Variants in OPCML observed in about 807,000 individuals in gnomAD.
The protein encoded by OPCML is opioid-binding protein/cell adhesion molecule.
OPCML carries 13 observed loss-of-function variants against 37.8 expected under a neutral mutation model. That is an observed-to-expected ratio of 0.34 (90% confidence interval 0.22 to 0.55). The LOEUF (loss-of-function observed/expected upper bound fraction) is 0.55. Among genes scored for constraint, OPCML ranks in the 20% least tolerant of loss-of-function variants. The pLI, the probability that OPCML is intolerant of heterozygous loss-of-function variation, is 0.91. For synonymous variants in OPCML, 176 were observed against 168.8 expected (o/e 1.04, Z -0.33); for missense variants, 341 against 435.6 (o/e 0.78, Z 1.93).
chr11:133,068,272 G>A (rs948283297), intron 1 of OPCML: 1 of 152,160 alleles, frequency 6.6e-6, no homozygotes, highest in Non-Finnish European at 1.5e-5. Flanking sequence ...GGGCACAGTG[G>A]GTGTGGCCAT....
chr11:132,421,460 T>C (rs1197271880), intron 7 of OPCML, among the ~76,000 whole-genome samples: 5 of 152,144 alleles, frequency 3.3e-5, no homozygotes, highest in Non-Finnish European at 5.9e-5. Context: ...ACTAGTTCAT[T>C]TGGCTTGCCT....
At chr11:132,524,870 G>C (rs934377527) in intron 4 of OPCML, among the ~76,000 whole-genome samples, 1 of 152,138 alleles carries the variant, frequency 6.6e-6, no homozygotes, top group Non-Finnish European at 1.5e-5. Flanking sequence ...ATATGTCTTT[G>C]GTTTGTTTGT....
intron 2 of OPCML, among the ~76,000 whole-genome samples, chr11:132,660,878 G>A (rs1941946141): frequency 6.6e-6 from 1 of 152,122 alleles, no homozygotes; most frequent in African/African-American, 2.4e-5. Flanking sequence ...CTGTCAGAAG[G>A]GAGACACAGA....
intron 1 of OPCML, among the ~76,000 whole-genome samples, chr11:133,391,342 G>T (rs919621078): frequency 1.3e-5 from 2 of 152,164 alleles, no homozygotes; most frequent in African/African-American, 4.8e-5. Context: ...TGTCATTGTG[G>T]TTTGTCTTTC....
intron 3 of OPCML, among the ~76,000 whole-genome samples, chr11:132,589,481 G>A (rs926020089): frequency 6.6e-6 from 1 of 152,216 alleles, no homozygotes; most frequent in Non-Finnish European, 1.5e-5. Flanking sequence ...AAACAAGTAA[G>A]TGAATGAATA....
intron 1 of OPCML, among the ~76,000 whole-genome samples, chr11:133,486,889 C>T (rs981479766): frequency 6.7e-6 from 1 of 149,830 alleles, no homozygotes; most frequent in Admixed American, 6.7e-5. Context: ...TCTCCTTTCC[C>T]TCTCTATCTG....
intron 1 of OPCML, chr11:133,024,487 G>T: frequency 8.1e-6 from 8 of 985,292 alleles, no homozygotes; most frequent in Non-Finnish European, 8.4e-6. Context: ...CAGGTTTCAC[G>T]GGTAATGAGA....
intron 4 of OPCML, among the ~76,000 whole-genome samples, chr11:132,448,293 G>A (rs895376471): frequency 6.6e-6 from 1 of 152,136 alleles, no homozygotes; most frequent in Admixed American, 6.5e-5. Flanking sequence ...TAACAATGAT[G>A]CCAACCATCA....
chr11:132,641,511 G>C (rs1333951880), intron 3 of OPCML, among the ~76,000 whole-genome samples: 1 of 152,156 alleles, frequency 6.6e-6, no homozygotes, highest in Admixed American at 6.5e-5. Flanking sequence ...AGCTATCCTT[G>C]GGCGTCTTTT....
intron 2 of OPCML, among the ~76,000 whole-genome samples, chr11:132,698,415 T>C (rs1943683357): frequency 6.6e-6 from 1 of 152,180 alleles, no homozygotes; most frequent in South Asian, 2.1e-4. Context: ...TTTTTAAATA[T>C]ACCTGTTGGT....
intron 2 of OPCML, among the ~76,000 whole-genome samples, chr11:132,833,146 T>C (rs1400513153): frequency 2.6e-5 from 4 of 152,044 alleles, no homozygotes; most frequent in African/African-American, 9.7e-5. Flanking sequence ...TTAAAATATA[T>C]ATAGTTTAAT....
At chr11:132,476,621 A>G (rs2096156906) in intron 4 of OPCML, among the ~76,000 whole-genome samples, 1 of 152,116 alleles carries the variant, frequency 6.6e-6, no homozygotes, top group Admixed American at 6.6e-5. Flanking sequence ...GTTCTCACTC[A>G]TAGGTGGGAA....
At chr11:133,000,838 G>T (rs1946985382) in intron 1 of OPCML, among the ~76,000 whole-genome samples, 1 of 152,188 alleles carries the variant, frequency 6.6e-6, no homozygotes, top group African/African-American at 2.4e-5. Context: ...TGTCTCATGG[G>T]GGCGAGTTCT....
At chr11:133,140,513 A>AAATAATAATAAT (rs377272496) in intron 1 of OPCML, among the ~76,000 whole-genome samples, 2,089 of 95,734 alleles carry the variant, frequency 0.022, 38 homozygotes, top group African/African-American at 0.028. Flanking sequence ...CTCTGTCTCA[A>AAATAATAATAAT]AATAATAATA....
intron 1 of OPCML, among the ~76,000 whole-genome samples, chr11:133,263,726 T>A (rs1276613294): frequency 6.6e-6 from 1 of 152,128 alleles, no homozygotes; most frequent in East Asian, 1.9e-4. Context: ...AAGGACAGAA[T>A]GTGGGTGTTT....
chr11:133,304,799 G>T (rs186153615), intron 1 of OPCML, among the ~76,000 whole-genome samples: 1 of 152,050 alleles, frequency 6.6e-6, no homozygotes, highest in Non-Finnish European at 1.5e-5. Context: ...TAACCACCAC[G>T]TAACCCCTTC....
intron 1 of OPCML, among the ~76,000 whole-genome samples, chr11:133,399,851 CAT>C (rs567388415): frequency 2.0e-4 from 29 of 147,608 alleles, no homozygotes; most frequent in East Asian, 1.6e-3. Context: ...ATTAAGGAAG[CAT>C]ATATATATAT....
At chr11:133,082,425 C>A (rs868578301) in intron 1 of OPCML, among the ~76,000 whole-genome samples, 1 of 113,022 alleles carries the variant, frequency 8.8e-6, no homozygotes, top group Non-Finnish European at 1.9e-5. Context: ...CCCTATCCTC[C>A]CCCCTCCCCA....
At chr11:132,507,001 C>CT (rs1452966644) in intron 4 of OPCML, among the ~76,000 whole-genome samples, 1 of 151,430 alleles carries the variant, frequency 6.6e-6, no homozygotes, top group Non-Finnish European at 1.5e-5. Flanking sequence ...TAATACAAAT[C>CT]TTTTTTAAAA....
Sources: gnomAD v4.1 joint callset for allele counts (sites outside exome capture counted in the v4.1 genomes callset) on GRCh38, gnomAD v4.1.1 for gene constraint, MANE v1.5 for transcripts, NCBI Gene and HGNC (gene_info 2026-07-23, HGNC 2026-07-21) for gene names.